The following ZNF367 variants were observed in gnomAD, a reference collection of about 807,000 sequenced individuals.
ZNF367 encodes zinc finger protein 367, also known as C2H2 zinc finger protein ZFF29.
Under a neutral mutation model 31.8 loss-of-function variants are expected in ZNF367, and 11 were observed. The observed-to-expected ratio is 0.35, with a 90% CI of 0.22 to 0.57. The LOEUF (loss-of-function observed/expected upper bound fraction) is 0.57. Among genes scored for constraint, ZNF367 ranks in the 20% least tolerant of loss-of-function variants. The pLI, the probability that ZNF367 is intolerant of heterozygous loss-of-function variation, is 0.85. For synonymous variants in ZNF367, 199 were observed against 202.4 expected (o/e 0.98, Z 0.14); for missense variants, 353 against 484.1 (o/e 0.73, Z 2.54).
chr9:96,413,932 T>C (rs149455413), intron 1 of ZNF367, among the ~76,000 whole-genome samples: 31 of 151,814 alleles, frequency 2.0e-4, no homozygotes, highest in African/African-American at 6.8e-4. Context: ...CTATGTGGCA[T>C]ATTGGGAGAA....
rs777330960 is a variant in ZNF367, at chr9:96,388,360, A to C, written c.930T>G (p.Ser310=). 1.9e-6 allele frequency: 3 copies of C among 1,613,800 alleles called. No homozygotes were observed. The highest frequency in any genetic ancestry group is 8.5e-7 in the Non-Finnish European group (1 of 1,180,030). The change falls in exon 5 of 5, where the codon TCT becomes TCG. Residue 310 remains serine, a synonymous_variant. Transcript: ENST00000375256. ...CTCTCTTCTCGTCGTCCTCTTCATC[A>C]GACTGAAGGTATTCCAGAGGGTCCT... ...EQQDPLEYLQ[S]DEEDDEKRGA...
At chr9:96,393,746 G>A (rs7045850) in intron 3 of ZNF367, among the ~76,000 whole-genome samples, 35,990 of 151,844 alleles carry the variant, frequency 0.24, 5,974 homozygotes, top group African/African-American at 0.48. Context: ...CAGGAGAATC[G>A]CTTGAACCCA....
chr9:96,416,858 C>CCAAACA (rs1455762097), intron 1 of ZNF367, among the ~76,000 whole-genome samples: 4 of 152,178 alleles, frequency 2.6e-5, no homozygotes, highest in Non-Finnish European at 1.5e-5. Context: ...GAAAGTCACC[C>CCAAACA]CAAACACATG....
At chr9:96,391,182 G>A (rs1257904468) in intron 4 of ZNF367, among the ~76,000 whole-genome samples, 34 of 152,154 alleles carry the variant, frequency 2.2e-4, no homozygotes, top group Admixed American at 2.2e-3. Flanking sequence ...TCAAGGCCCA[G>A]AAGCTCTGCT....
Position 96,418,008 on chromosome 9 carries a change from T to C in ZNF367, c.25A>G (p.Met9Val). 8.6e-6 allele frequency: 12 copies of C among 1,396,970 alleles called. No individual in the cohort carries two copies. Among genetic ancestry groups the C allele is most frequent in the Non-Finnish European group, 1.1e-5 (12 of 1,083,084 alleles). 86.5% of individuals were successfully genotyped at this position (1,396,970 alleles called of 1,614,324 possible). The change falls in exon 1 of 5, where the codon ATG becomes GTG. Residue 9 changes from methionine (M) to valine (V), a missense_variant. By Grantham distance (21) the Met-to-Val change is conservative. Coordinates refer to ENST00000375256, the MANE Select transcript of ZNF367 (RefSeq NM_153695.4). Reference sequence around the variant, plus strand: ...GGCGGCGGCGGCGGGTTCTCCGCCATGGGCGCCTCGAAGCCCCGGATCATC... The same window carrying C: ...GGCGGCGGCGGCGGGTTCTCCGCCACGGGCGCCTCGAAGCCCCGGATCATC... MIRGFEAP[M>V]AENPPPPPPP...
At chr9:96,391,834 A>ACTT (rs1831476587) in intron 4 of ZNF367, among the ~76,000 whole-genome samples, 1 of 152,136 alleles carries the variant, frequency 6.6e-6, no homozygotes, top group Non-Finnish European at 1.5e-5. Context: ...ACAAGAGTGC[A>ACTT]GTGGGGCCAT....
At chr9:96,399,773 G>T (rs958524071) in intron 1 of ZNF367, among the ~76,000 whole-genome samples, 1 of 152,028 alleles carries the variant, frequency 6.6e-6, no homozygotes, top group Non-Finnish European at 1.5e-5. Context: ...AGCTGAGATC[G>T]CGCCACTGCA....
chr9:96,403,169 C>T (rs1284075180), intron 1 of ZNF367, among the ~76,000 whole-genome samples: 1 of 152,100 alleles, frequency 6.6e-6, no homozygotes. Flanking sequence ...ATGGTTTCAC[C>T]ATATTGACCA....
chr9:96,386,941 T>A lies in ZNF367; in HGVS notation c.*1296A>T, dbSNP rs1455711023. 1.3e-5 allele frequency: 2 copies of A among 152,346 alleles called. No homozygotes were observed. Among genetic ancestry groups the A allele is most frequent in the East Asian group, 1.9e-4 (1 of 5,192 alleles). 9.4% of individuals were successfully genotyped at this position (152,346 alleles called of 1,614,324 possible). A position where few individuals can be genotyped will look rare whatever the true frequency, so the allele number is the denominator to read the frequency against. On this transcript the variant is annotated 3_prime_UTR_variant, in exon 5 of 5. Coordinates refer to ENST00000375256, the MANE Select transcript of ZNF367 (RefSeq NM_153695.4). ...TTAAGCGATCTGTAAGTTACCATGC[T>A]ATGCATGTCATTTAGTTCTGTTTAG...
intron 2 of ZNF367, among the ~76,000 whole-genome samples, chr9:96,396,367 G>A (rs765160484): frequency 5.9e-5 from 9 of 151,884 alleles, no homozygotes; most frequent in Non-Finnish European, 1.3e-4. Context: ...TTTTACTAAT[G>A]GTATCCAAAG....
chr9:96,418,144 G>T lies in ZNF367; in HGVS notation c.-112C>A. 1.6e-6 allele frequency: 2 copies of T among 1,259,130 alleles called. No homozygotes were observed. Among genetic ancestry groups the T allele is most frequent in the Non-Finnish European group, 2.0e-6 (2 of 1,000,024 alleles). 78.0% of individuals were successfully genotyped at this position (1,259,130 alleles called of 1,614,324 possible). Reference sequence around the variant, plus strand: ...GGCTCAGTCCTGCCGGCTCATGGCAGACTGACGTTTCCCGGAATCCTGCGC... The same window carrying T: ...GGCTCAGTCCTGCCGGCTCATGGCATACTGACGTTTCCCGGAATCCTGCGC... On this transcript the variant is annotated 5_prime_UTR_variant, in exon 1 of 5. In the 5' UTR this introduces an upstream ATG that the reference lacks. Coordinates refer to ENST00000375256, the MANE Select transcript of ZNF367 (RefSeq NM_153695.4).
At chr9:96,415,182 G>C (rs1307765870) in intron 1 of ZNF367, among the ~76,000 whole-genome samples, 1 of 150,384 alleles carries the variant, frequency 6.6e-6, no homozygotes, top group Non-Finnish European at 1.5e-5. Context: ...AGCCTCCCGA[G>C]CAGGTGGGAC....
rs777325997 is a variant in ZNF367, at chr9:96,417,951, T to C, written c.82A>G (p.Lys28Glu). 7.3e-6 allele frequency: 11 copies of C among 1,496,730 alleles called. 1 individual carries two copies. The South Asian group carries it at 1.4e-4, about 19-fold the overall frequency. The allele number at this position is 1,496,730 out of a possible 1,614,324, so 92.7% of individuals were successfully genotyped here. A position where few individuals can be genotyped will look rare whatever the true frequency, so the allele number is the denominator to read the frequency against. Residue 28 changes from lysine to glutamate, a missense_variant, in exon 1 of 5, where the codon AAG becomes GAG. Around this residue, in one of 5 missense-constraint regions of ZNF367, gnomAD observed 94 missense variants for 86.7 expected, o/e 1.08. Transcript: ENST00000375256. This position sits in a 1 kb window ranked among gnomAD's most constrained non-coding sequence, Gnocchi z 5.0. ...CTGATGACCGACACCAGCACCCGCT[T>C]CGGGGAGTCGTGGCAGAAGATGACG... is the stretch of plus-strand genomic sequence containing the variant. Reference protein sequence around the residue: ...PPVIFCHDSPKRVLVSVIRTT... With the variant: ...PPVIFCHDSPERVLVSVIRTT...
In ZNF367 at chr9:96,417,420, C is replaced by T. The variant is rs961076956; in HGVS notation, c.420+193G>A. ...CAAGGACGGTCTCCCGCGCCGCTCC[C>T]GCCTGTCACGTGACAGGCCCCCCCC... On this transcript the variant is annotated intron_variant, in intron 1 of 4. Transcript: ENST00000375256. The surrounding 1 kb of genome is among the most constrained non-coding windows in gnomAD (Gnocchi z 5.0). 1.5e-5 allele frequency among the ~76,000 whole-genome samples: 2 copies of T among 131,212 alleles called. No homozygotes were observed. The highest frequency in any genetic ancestry group is 6.5e-5 in the African/African-American group (2 of 30,738). 86.1% of individuals were successfully genotyped at this position (131,212 alleles called of 152,430 possible).
At chr9:96,416,087 G>GTTTTTT (rs34500193) in intron 1 of ZNF367, among the ~76,000 whole-genome samples, 2 of 125,066 alleles carry the variant, frequency 1.6e-5, no homozygotes, top group Admixed American at 8.2e-5. Context: ...TTTTTTTGTT[G>GTTTTTT]TTTTTTTTTT....
chr9:96,407,633 A>G, intron 1 of ZNF367: 1 of 1,446,698 alleles, frequency 6.9e-7, no homozygotes, highest in Non-Finnish European at 9.7e-7. Context: ...AAGGCGGGAA[A>G]ATGGGAAGTC....
At chr9:96,403,952 G>C (rs1322336839) in intron 1 of ZNF367, among the ~76,000 whole-genome samples, 1 of 152,196 alleles carries the variant, frequency 6.6e-6, no homozygotes, top group Non-Finnish European at 1.5e-5. Context: ...CCAGCACTTT[G>C]GGAGGCCAAG....
intron 1 of ZNF367, among the ~76,000 whole-genome samples, chr9:96,415,258 G>C (rs1343689249): frequency 1.4e-5 from 2 of 142,186 alleles, no homozygotes; most frequent in African/African-American, 5.3e-5. Flanking sequence ...TAGTAGAGAC[G>C]GGGTTTCACC....
At chr9:96,400,978 C>T (rs1467833404) in intron 1 of ZNF367, among the ~76,000 whole-genome samples, 1 of 152,188 alleles carries the variant, frequency 6.6e-6, no homozygotes, top group African/African-American at 2.4e-5. Flanking sequence ...ATAATCCCAA[C>T]ACTTTGGGAG....
Sources: allele counts gnomAD v4.1 joint callset (sites outside exome capture counted in the v4.1 genomes callset), GRCh38; gene constraint gnomAD v4.1.1; regional missense constraint gnomAD v4.1.1; non-coding constraint Gnocchi (gnomAD v3.1); transcripts MANE v1.5; gene names NCBI Gene and HGNC (gene_info 2026-07-23, HGNC 2026-07-21).